Variants in ZNF475 observed in about 807,000 individuals in gnomAD.
The protein encoded by ZNF475 is zinc finger protein 475.
chr5:122,179,403 C>A, the ZNF475 span: 1 of 345,498 alleles, frequency 2.9e-6, no homozygotes, highest in Non-Finnish European at 5.2e-6. Context: ...TTGTTTGTGT[C>A]CTCTCTTATT....
chr5:122,170,737 C>G, the ZNF475 span, among the ~76,000 whole-genome samples: 7 of 152,150 alleles, frequency 4.6e-5, no homozygotes, highest in Non-Finnish European at 8.8e-5. Context: ...CAGAGGTCAG[C>G]GAGTAGAGCT....
At chr5:122,176,476 A>T in the ZNF475 span, among the ~76,000 whole-genome samples, 4 of 152,122 alleles carry the variant, frequency 2.6e-5, no homozygotes, top group African/African-American at 4.8e-5. Flanking sequence ...TATAAGTTTT[A>T]TTTGTACTCT....
the ZNF475 span, among the ~76,000 whole-genome samples, chr5:122,175,791 A>C: frequency 1.3e-5 from 2 of 151,988 alleles, no homozygotes; most frequent in Admixed American, 6.6e-5. Flanking sequence ...TAATTATCCT[A>C]TTTTATTGTG....
chr5:122,161,769 C>A, the ZNF475 span, among the ~76,000 whole-genome samples: 1 of 152,146 alleles, frequency 6.6e-6, no homozygotes, highest in South Asian at 2.1e-4. Flanking sequence ...TAGAAGCCAA[C>A]TGGCATAAAA....
At chr5:122,160,330 T>A in the ZNF475 span, 1 of 1,201,602 alleles carries the variant, frequency 8.3e-7, no homozygotes, top group South Asian at 1.3e-5. Context: ...TGTGTATATG[T>A]ATTACATGTG....
chr5:122,179,990 AG>A, the ZNF475 span: 1 of 264,272 alleles, frequency 3.8e-6, no homozygotes, highest in Non-Finnish European at 7.0e-6. Flanking sequence ...ATTCTCCAAA[AG>A]TTTCTTTCAT....
chr5:122,160,331 A>G, the ZNF475 span: 5 of 1,195,128 alleles, frequency 4.2e-6, no homozygotes, highest in Admixed American at 9.2e-5. Flanking sequence ...GTGTATATGT[A>G]TTACATGTGT....
chr5:122,170,889 G>C, the ZNF475 span, among the ~76,000 whole-genome samples: 1 of 152,110 alleles, frequency 6.6e-6, no homozygotes, highest in Non-Finnish European at 1.5e-5. Flanking sequence ...AAAAGTCTTA[G>C]AAGCTCTTGT....
chr5:122,179,584 G>A, the ZNF475 span: 1 of 1,523,298 alleles, frequency 6.6e-7, no homozygotes, highest in Non-Finnish European at 8.7e-7. Flanking sequence ...GCAGTTGTTT[G>A]CTACATTTGT....
At chr5:122,166,345 TC>T in the ZNF475 span, among the ~76,000 whole-genome samples, 1 of 152,156 alleles carries the variant, frequency 6.6e-6, no homozygotes, top group East Asian at 1.9e-4. Flanking sequence ...CAGTTATGTT[TC>T]TTTTTTTTTT....
At chr5:122,167,617 T>C in the ZNF475 span, among the ~76,000 whole-genome samples, 3 of 152,216 alleles carry the variant, frequency 2.0e-5, no homozygotes, top group African/African-American at 7.2e-5. Flanking sequence ...AATACTCCAC[T>C]AAACTGTATC....
At chr5:122,164,612 T>C in the ZNF475 span, among the ~76,000 whole-genome samples, 2 of 152,142 alleles carry the variant, frequency 1.3e-5, no homozygotes, top group Non-Finnish European at 2.9e-5. Flanking sequence ...CCAACTACCA[T>C]TTGGATCACC....
the ZNF475 span, among the ~76,000 whole-genome samples, chr5:122,165,986 C>T: frequency 5.3e-5 from 8 of 152,188 alleles, no homozygotes; most frequent in African/African-American, 1.9e-4. Context: ...ATAAATCCAG[C>T]AAATTACTGC....
the ZNF475 span, chr5:122,182,383 T>C: frequency 1.3e-6 from 1 of 788,456 alleles, no homozygotes; most frequent in Non-Finnish European, 1.9e-6. Context: ...GAAAGTAGAA[T>C]ATGGTTCTCC....
At chr5:122,172,674 T>C in the ZNF475 span, among the ~76,000 whole-genome samples, 28 of 152,228 alleles carry the variant, frequency 1.8e-4, no homozygotes, top group Admixed American at 5.2e-4. Context: ...GTAAATAACA[T>C]CACAGAACTA....
the ZNF475 span, among the ~76,000 whole-genome samples, chr5:122,163,962 T>C: frequency 6.0e-3 from 910 of 151,696 alleles, 7 homozygotes; most frequent in African/African-American, 0.021. Context: ...TTTTTTTTTT[T>C]CTCTCTAAAA....
At chr5:122,178,832 T>A in the ZNF475 span, among the ~76,000 whole-genome samples, 5 of 152,194 alleles carry the variant, frequency 3.3e-5, no homozygotes, top group South Asian at 2.1e-4. Flanking sequence ...CTGAATGGTA[T>A]TGCCTAGGTT....
chr5:122,172,785 G>C, the ZNF475 span, among the ~76,000 whole-genome samples: 3 of 152,262 alleles, frequency 2.0e-5, no homozygotes, highest in South Asian at 6.2e-4. Flanking sequence ...TGTAATTCAA[G>C]CACTTTGGGA....
chr5:122,182,470 T>C, the ZNF475 span: 7 of 1,450,584 alleles, frequency 4.8e-6, no homozygotes, highest in East Asian at 1.8e-4. Flanking sequence ...TTCTTTTTGC[T>C]TTTTTCCTTT....
Sources: allele counts gnomAD v4.1 joint callset (sites outside exome capture counted in the v4.1 genomes callset), GRCh38; gene constraint gnomAD v4.1.1; transcripts MANE v1.5; gene names NCBI Gene and HGNC (gene_info 2026-07-23, HGNC 2026-07-21).